ANKFN1: variants seen among roughly 807,000 people sequenced by gnomAD.
ANKFN1 encodes the protein ankyrin repeat and fibronectin type III domain containing 1.
In ANKFN1, 74 loss-of-function variants were observed where a neutral mutation model predicts 108.7. The observed-to-expected ratio is 0.68, with a 90% CI of 0.56 to 0.83. ANKFN1 has a LOEUF of 0.83. Among genes scored for constraint, ANKFN1 ranks in the 40% least tolerant of loss-of-function variants. The pLI, the probability that ANKFN1 is intolerant of heterozygous loss-of-function variation, is 0.00. For synonymous variants in ANKFN1, 547 were observed against 516.2 expected (o/e 1.06, Z -0.81); for missense variants, 1,505 against 1,382.3 (o/e 1.09, Z -1.41).
At position 56,510,880 on chromosome 17, in the gene ANKFN1, T is replaced by G. The variant is rs764642059; in HGVS notation, c.3052T>G (p.Leu1018Val). The G allele has an allele frequency of 1.3e-6, 2 of 1,536,156 alleles. No homozygotes were observed. Among genetic ancestry groups the G allele is most frequent in the East Asian group, 2.4e-5 (1 of 40,904 alleles). ...YGGFSRHHRW[L>V]RIHSETQSLS... ...CGGCTTCAGCCGCCATCATCGCTGG[T>G]TGCGCATCCACAGCGAGACCCAGTC... Residue 1018 changes from leucine (L) to valine (V), a missense_variant, in exon 21 of 21, where the codon TTG becomes GTG. By Grantham distance (32) the Leu-to-Val change is conservative (BLOSUM62 1). Transcript: ENST00000682825.
chr17:56,493,835 A>C (rs941259843), intron 19 of ANKFN1, among the ~76,000 whole-genome samples: 2 of 152,170 alleles, frequency 1.3e-5, no homozygotes, highest in Non-Finnish European at 2.9e-5. Context: ...TATTATAACT[A>C]TCCAGACAAT....
chr17:56,280,008 C>CTTTTTT lies in ANKFN1; in HGVS notation c.54-46202_54-46197dup, dbSNP rs3086033. ...TTTCAGGTTGGGAGCCACATAATGT[C>CTTTTTT]TTTTTTTTTTTTTTTTCTCAAGACG... On this transcript the variant is annotated intron_variant, in intron 3 of 20. Coordinates refer to ENST00000682825, the MANE Select transcript of ANKFN1 (RefSeq NM_001370326.1). Among the ~76,000 whole-genome samples, 626 of 134,816 alleles carry CTTTTTT rather than the reference C, an allele frequency of 4.6e-3. 12 individuals carry two copies. The highest frequency in any genetic ancestry group is 0.018 in the African/African-American group (602 of 34,036). The allele number at this position is 134,816 out of a possible 152,430, so 88.4% of individuals were successfully genotyped here. A position where few individuals can be genotyped will look rare whatever the true frequency, so the allele number is the denominator to read the frequency against.
chr17:56,064,766 G>A (rs1372629820), intron 4 of ANKFN1, among the ~76,000 whole-genome samples: 1 of 152,216 alleles, frequency 6.6e-6, no homozygotes, highest in Non-Finnish European at 1.5e-5. Flanking sequence ...CTCCCCCCAG[G>A]AGCTAAGTAG....
At position 56,296,076 on chromosome 17, in the gene ANKFN1, T is replaced by G. The variant is rs775027164; in HGVS notation, c.54-30145T>G. ...AAATTATGGATTTTTTAAATTCAGG[T>G]TTTTTTTTCAAATTAAGGTAGTAGC... On this transcript the variant is annotated intron_variant, in intron 3 of 20. Transcript: ENST00000682825. Among the ~76,000 whole-genome samples the G allele has an allele frequency of 5.8e-5, 8 of 137,232 alleles. 1 individual carries two copies. The highest frequency in any genetic ancestry group is 4.2e-4 in the South Asian group (2 of 4,762). The allele number at this position is 137,232 out of a possible 152,430, so 90.0% of individuals were successfully genotyped here.
At chr17:56,159,106 TAGA>T (rs1448367981) in intron 1 of ANKFN1, among the ~76,000 whole-genome samples, 1 of 143,958 alleles carries the variant, frequency 6.9e-6, no homozygotes, top group African/African-American at 2.6e-5. Flanking sequence ...GAAGAAGAAG[TAGA>T]AGAAGAGGAA....
chr17:56,297,238 A>C (rs2044538704), intron 3 of ANKFN1, among the ~76,000 whole-genome samples: 2 of 152,296 alleles, frequency 1.3e-5, no homozygotes, highest in South Asian at 4.1e-4. Context: ...GCGTCTGGGC[A>C]GAGAGGAGCT....
At chr17:56,426,952 A>G (rs1187657125) in intron 8 of ANKFN1, among the ~76,000 whole-genome samples, 3 of 152,188 alleles carry the variant, frequency 2.0e-5, no homozygotes, top group Non-Finnish European at 4.4e-5. Context: ...AAATCTGAAG[A>G]TTGAATTTTT....
At chr17:56,421,761 C>A (rs975999553) in intron 8 of ANKFN1, among the ~76,000 whole-genome samples, 1 of 152,094 alleles carries the variant, frequency 6.6e-6, no homozygotes, top group East Asian at 1.9e-4. Context: ...TGTCATTTAA[C>A]GACCCAATCA....
At chr17:56,343,866 A>G (rs1036865783) in intron 4 of ANKFN1, among the ~76,000 whole-genome samples, 41 of 151,772 alleles carry the variant, frequency 2.7e-4, no homozygotes, top group African/African-American at 9.7e-4. Flanking sequence ...TATATTTTTC[A>G]TTTGTTAATG....
At chr17:56,141,273 C>T (rs1211589926) in intron 4 of ANKFN1, among the ~76,000 whole-genome samples, 1 of 152,142 alleles carries the variant, frequency 6.6e-6, no homozygotes, top group Non-Finnish European at 1.5e-5. Flanking sequence ...AGTACAATTC[C>T]GCAGTTTGCT....
At chr17:56,457,808 A>G in intron 13 of ANKFN1, 55 bp from the exon 14 acceptor site, 1 of 1,367,778 alleles carries the variant, frequency 7.3e-7, no homozygotes, top group Non-Finnish European at 1.0e-6. Context: ...TGATGCCACA[A>G]CCTAAATCAT....
intron 4 of ANKFN1, among the ~76,000 whole-genome samples, chr17:56,092,266 A>ATTTTTT (rs748898792): frequency 7.5e-4 from 83 of 111,366 alleles, no homozygotes; most frequent in African/African-American, 2.7e-3. Flanking sequence ...GTGAGGTAGT[A>ATTTTTT]TTTTTTTTTT....
At chr17:56,210,219 C>CT (rs1488236677) in intron 1 of ANKFN1, among the ~76,000 whole-genome samples, 2 of 152,110 alleles carry the variant, frequency 1.3e-5, no homozygotes, top group East Asian at 1.9e-4. Context: ...GTACAAGTAT[C>CT]TTTTTTGCAT....
At chr17:56,319,496 T>C (rs1184651931) in intron 3 of ANKFN1, among the ~76,000 whole-genome samples, 1 of 152,150 alleles carries the variant, frequency 6.6e-6, no homozygotes, top group Non-Finnish European at 1.5e-5. Flanking sequence ...GTGTTGTAAA[T>C]GGAGAGGGAT....
chr17:56,161,879 A>G lies in ANKFN1; in HGVS notation c.-71+8349A>G, dbSNP rs1463907528. Among the ~76,000 whole-genome samples, 3 of 152,246 alleles carry G rather than the reference A, an allele frequency of 2.0e-5. No homozygotes were observed. In the East Asian group the frequency reaches 5.8e-4, roughly 29 times the overall value. ...TTGTAGAAGATTTGGGACAGTTCTC[A>G]GGGTCTATGGGAATGCTGGACAACC... On this transcript the variant is annotated intron_variant, in intron 1 of 20. Transcript: ENST00000682825.
At chr17:56,414,842 T>C (rs1267998833) in intron 8 of ANKFN1, among the ~76,000 whole-genome samples, 3 of 151,816 alleles carry the variant, frequency 2.0e-5, no homozygotes, top group African/African-American at 7.3e-5. Flanking sequence ...AACATGGTGA[T>C]ACACCATCTT....
chr17:56,166,028 T>C (rs1910102944), intron 1 of ANKFN1, among the ~76,000 whole-genome samples: 1 of 152,140 alleles, frequency 6.6e-6, no homozygotes, highest in Admixed American at 6.6e-5. Context: ...GCAATCTCCC[T>C]GCTGAAAAAC....
At chr17:56,160,621 G>A (rs941335963) in intron 1 of ANKFN1, among the ~76,000 whole-genome samples, 4 of 152,160 alleles carry the variant, frequency 2.6e-5, no homozygotes, top group Admixed American at 6.5e-5. Context: ...ATGGAACAGA[G>A]CTCTCATGTT....
At chr17:56,439,203 G>A (rs924445464) in intron 8 of ANKFN1, among the ~76,000 whole-genome samples, 1 of 152,166 alleles carries the variant, frequency 6.6e-6, no homozygotes, top group Non-Finnish European at 1.5e-5. Flanking sequence ...GACTCGAGGG[G>A]CGCAGCAGGC....
Sources: allele counts gnomAD v4.1 joint callset (sites outside exome capture counted in the v4.1 genomes callset), GRCh38; gene constraint gnomAD v4.1.1; transcripts MANE v1.5; gene names NCBI Gene and HGNC (gene_info 2026-07-23, HGNC 2026-07-21).